The following TMEM132C variants were observed in gnomAD, a reference collection of about 807,000 sequenced individuals.
The protein encoded by TMEM132C is protein phosphatase 1, regulatory subunit 152.
In TMEM132C, 29 loss-of-function variants were observed where a neutral mutation model predicts 61.4. That is an observed-to-expected ratio of 0.47 (90% CI 0.35 to 0.64). The LOEUF (loss-of-function observed/expected upper bound fraction) is 0.64. TMEM132C is among the 30% of genes least tolerant of loss of function. The pLI is 0.00. For synonymous variants in TMEM132C, 656 were observed against 633.1 expected (o/e 1.04, Z -0.54); for missense variants, 1,408 against 1,476.9 (o/e 0.95, Z 0.76).
At chr12:128,387,812 G>A (rs1713606) in intron 1 of TMEM132C, among the ~76,000 whole-genome samples, 100,847 of 151,878 alleles carry the variant, frequency 0.66, 34,014 homozygotes, top group African/African-American at 0.79. Flanking sequence ...TGTCTAAAAA[G>A]AAAGACAAAA....
intron 1 of TMEM132C, among the ~76,000 whole-genome samples, chr12:128,320,467 A>G (rs1035825203): frequency 6.6e-6 from 1 of 152,162 alleles, no homozygotes; most frequent in African/African-American, 2.4e-5. Context: ...ACAATAACAT[A>G]TTCAAAAGGT....
chr12:128,289,019 A>G (rs1257320208), intron 1 of TMEM132C: 2 of 152,170 alleles, frequency 1.3e-5, no homozygotes, highest in African/African-American at 4.8e-5. Flanking sequence ...TAGCGCACAC[A>G]TGCACACTCA....
At chr12:128,620,048 T>C (rs2135586381) in intron 4 of TMEM132C, among the ~76,000 whole-genome samples, 2 of 151,830 alleles carry the variant, frequency 1.3e-5, no homozygotes, top group South Asian at 4.2e-4. Flanking sequence ...TTGGGTAACA[T>C]AGTGAGACCT....
chr12:128,340,791 C>T (rs760851070), intron 1 of TMEM132C, among the ~76,000 whole-genome samples: 4 of 146,122 alleles, frequency 2.7e-5, no homozygotes, highest in Non-Finnish European at 4.5e-5. Context: ...TTCTCTCTCT[C>T]TCTCTCTCTT....
chr12:128,439,438 T>C (rs1850455522), intron 2 of TMEM132C, among the ~76,000 whole-genome samples: 1 of 152,074 alleles, frequency 6.6e-6, no homozygotes, highest in African/African-American at 2.4e-5. Context: ...TATGGAGATA[T>C]GGGGGAGCAA....
chr12:128,462,928 C>A (rs907856874), intron 2 of TMEM132C, among the ~76,000 whole-genome samples: 3 of 152,092 alleles, frequency 2.0e-5, no homozygotes, highest in Admixed American at 1.3e-4. Flanking sequence ...GATCAATACA[C>A]CTGGAGGTAT....
intron 4 of TMEM132C, among the ~76,000 whole-genome samples, chr12:128,650,593 A>G (rs1954258249): frequency 6.6e-6 from 1 of 151,980 alleles, no homozygotes; most frequent in African/African-American, 2.4e-5. Context: ...CAGGGCAAGG[A>G]TAGTGCATGC....
At position 128,326,785 on chromosome 12, in the gene TMEM132C, GACTTCACA is replaced by G. The variant is rs1396866012; in HGVS notation, c.85+59300_85+59307del. Among the ~76,000 whole-genome samples the G allele has an allele frequency of 7.2e-6, 1 of 138,928 alleles. No individual in the cohort carries two copies. Among genetic ancestry groups the G allele is most frequent in the Non-Finnish European group, 1.5e-5 (1 of 67,928 alleles). 91.1% of individuals were successfully genotyped at this position (138,928 alleles called of 152,430 possible). The stretch of plus-strand genomic sequence containing the variant: ...TTTATGGCTCCCACATCTCGTTACC[GACTTCACA>G]ATATTTTTTTTTTCTTTCTTAACAA... On this transcript the variant is annotated intron_variant, in intron 1 of 8. Transcript: ENST00000435159. This position sits in a 1 kb window ranked among gnomAD's most constrained non-coding sequence, Gnocchi z 5.6.
At chr12:128,292,043 C>T (rs1376275592) in intron 1 of TMEM132C, among the ~76,000 whole-genome samples, 3 of 152,150 alleles carry the variant, frequency 2.0e-5, no homozygotes, top group Admixed American at 6.5e-5. Flanking sequence ...GGGGTGCCCT[C>T]CTGTCGCTGG....
chr12:128,628,474 A>G (rs1024491304), intron 4 of TMEM132C, among the ~76,000 whole-genome samples: 4 of 152,130 alleles, frequency 2.6e-5, no homozygotes, highest in South Asian at 2.1e-4. Flanking sequence ...GTGCACCTCC[A>G]TCACCTGATT....
chr12:128,289,415 C>G (rs1566043651), intron 1 of TMEM132C, among the ~76,000 whole-genome samples: 1 of 152,222 alleles, frequency 6.6e-6, no homozygotes. Context: ...GGGCACAGTC[C>G]TGTTAGTACA....
At chr12:128,393,311 A>C (rs141840425) in intron 1 of TMEM132C, among the ~76,000 whole-genome samples, 2 of 152,146 alleles carry the variant, frequency 1.3e-5, no homozygotes, top group African/African-American at 4.8e-5. Flanking sequence ...AGAATTCCCA[A>C]CTTCATGGGA....
At chr12:128,424,467 AGCC>A (rs1359056938) in intron 2 of TMEM132C, among the ~76,000 whole-genome samples, 2 of 151,750 alleles carry the variant, frequency 1.3e-5, no homozygotes, top group Admixed American at 6.6e-5. Flanking sequence ...AAAAAAAAAA[AGCC>A]AGGCACAAAA....
chr12:128,285,369 A>G (rs1349805704), intron 1 of TMEM132C, among the ~76,000 whole-genome samples: 1 of 152,184 alleles, frequency 6.6e-6, no homozygotes, highest in East Asian at 1.9e-4. Flanking sequence ...TGTTTTAATT[A>G]CAAATAGGAA....
At chr12:128,632,636 C>G (rs1157714705) in intron 4 of TMEM132C, among the ~76,000 whole-genome samples, 3 of 152,218 alleles carry the variant, frequency 2.0e-5, no homozygotes, top group Non-Finnish European at 2.9e-5. Flanking sequence ...GAGGAGCACT[C>G]AGTCTTCTGG....
intron 2 of TMEM132C, among the ~76,000 whole-genome samples, chr12:128,477,266 A>G (rs559492950): frequency 4.6e-5 from 7 of 152,150 alleles, no homozygotes; most frequent in Non-Finnish European, 1.0e-4. Context: ...TGCACTGTAA[A>G]TATCTCAACT....
intron 4 of TMEM132C, among the ~76,000 whole-genome samples, chr12:128,664,985 A>T (rs1423086541): frequency 2.1e-5 from 3 of 143,730 alleles, no homozygotes; most frequent in Non-Finnish European, 4.4e-5. Flanking sequence ...ACACACAGGC[A>T]CATGCACCCA....
At chr12:128,554,814 G>T (rs1280896169) in intron 3 of TMEM132C, among the ~76,000 whole-genome samples, 1 of 151,284 alleles carries the variant, frequency 6.6e-6, no homozygotes, top group Non-Finnish European at 1.5e-5. Flanking sequence ...TCTGAGCTCC[G>T]GTTCTTATGG....
intron 2 of TMEM132C, among the ~76,000 whole-genome samples, chr12:128,490,038 G>A (rs912781391): frequency 2.0e-5 from 3 of 152,216 alleles, no homozygotes; most frequent in Non-Finnish European, 2.9e-5. Flanking sequence ...CATTTCAGCC[G>A]TTCCTTCAAG....
Sources: allele counts gnomAD v4.1 joint callset (sites outside exome capture counted in the v4.1 genomes callset), GRCh38; gene constraint gnomAD v4.1.1; non-coding constraint Gnocchi (gnomAD v3.1); transcripts MANE v1.5; gene names NCBI Gene and HGNC (gene_info 2026-07-23, HGNC 2026-07-21).